The following ARK2C variants were observed in gnomAD, a reference collection of about 807,000 sequenced individuals.
The protein encoded by ARK2C is arkadia (RNF111) C-terminal like ring finger ubiquitin ligase 2C.
chr18:46,369,422 G>C, the ARK2C span, among the ~76,000 whole-genome samples: 4 of 152,206 alleles, frequency 2.6e-5, no homozygotes, highest in East Asian at 5.8e-4. Context: ...CAGGGAGGAA[G>C]CTGATTGACT....
the ARK2C span, among the ~76,000 whole-genome samples, chr18:46,352,582 C>T: frequency 6.6e-6 from 1 of 152,274 alleles, no homozygotes; most frequent in Middle Eastern, 3.4e-3. Flanking sequence ...TGTTGCTCCA[C>T]CCTCCCTAGG....
the ARK2C span, among the ~76,000 whole-genome samples, chr18:46,360,118 G>C: frequency 6.6e-6 from 1 of 152,190 alleles, no homozygotes; most frequent in East Asian, 1.9e-4. Context: ...ACAAGTCCAT[G>C]CAATGGCCCC....
chr18:46,334,705 TGTGTGTGTGTGAGAGA>T, the ARK2C span: 1,450 of 284,718 alleles, frequency 5.1e-3, 22 homozygotes, highest in African/African-American at 0.033. This position sits in a 1 kb window ranked among gnomAD's most constrained non-coding sequence, Gnocchi z 4.4. Context: ...TGTGTGTGTG[TGTGTGTGTGTGAGAGA>T]GAGAGAGAGC....
At chr18:46,403,074 G>T in the ARK2C span, among the ~76,000 whole-genome samples, 1 of 152,176 alleles carries the variant, frequency 6.6e-6, no homozygotes, top group Non-Finnish European at 1.5e-5. Context: ...TGCCCCTCCA[G>T]CCCTTAGGCA....
the ARK2C span, among the ~76,000 whole-genome samples, chr18:46,339,115 T>G: frequency 6.6e-6 from 1 of 152,212 alleles, no homozygotes; most frequent in Non-Finnish European, 1.5e-5. Flanking sequence ...AGAGGAGAGA[T>G]ACAGGTTTAC....
At chr18:46,399,617 T>C in the ARK2C span, among the ~76,000 whole-genome samples, 2 of 152,120 alleles carry the variant, frequency 1.3e-5, no homozygotes, top group African/African-American at 4.8e-5. Flanking sequence ...GAGTGTCCAG[T>C]GCTGCCTGGC....
chr18:46,345,010 C>G, the ARK2C span, among the ~76,000 whole-genome samples: 6,210 of 152,266 alleles, frequency 0.041, 418 homozygotes, highest in African/African-American at 0.14. Context: ...AGGGCTGGGT[C>G]AGGAGGGAAG....
the ARK2C span, among the ~76,000 whole-genome samples, chr18:46,342,289 A>G: frequency 2.6e-5 from 4 of 152,208 alleles, no homozygotes; most frequent in Admixed American, 2.6e-4. Flanking sequence ...TGCATACGGC[A>G]AGGAGCCTCA....
At chr18:46,447,009 A>G in the ARK2C span, among the ~76,000 whole-genome samples, 1 of 152,150 alleles carries the variant, frequency 6.6e-6, no homozygotes. Flanking sequence ...CATTTTCCAA[A>G]TTAGCCATTG....
At chr18:46,433,605 G>A in the ARK2C span, 2 of 1,104,326 alleles carry the variant, frequency 1.8e-6, no homozygotes, top group South Asian at 1.7e-5. Context: ...TGGCCCGGGT[G>A]TGGCGGAGAC....
At chr18:46,363,949 T>C in the ARK2C span, among the ~76,000 whole-genome samples, 3 of 145,286 alleles carry the variant, frequency 2.1e-5, no homozygotes, top group Non-Finnish European at 4.5e-5. Context: ...TCTTTTCTTT[T>C]TTTTTTTTTT....
At chr18:46,389,114 G>C in the ARK2C span, among the ~76,000 whole-genome samples, 3 of 152,180 alleles carry the variant, frequency 2.0e-5, no homozygotes, top group Non-Finnish European at 4.4e-5. Context: ...ATAGCTGAGA[G>C]GAGTGGGCAC....
the ARK2C span, among the ~76,000 whole-genome samples, chr18:46,369,192 G>C: frequency 2.0e-5 from 3 of 152,140 alleles, no homozygotes; most frequent in African/African-American, 4.8e-5. Context: ...AAGAAAGCTT[G>C]TTGTATCTAG....
the ARK2C span, chr18:46,456,864 A>AGAGAGG: frequency 1.9e-6 from 1 of 524,524 alleles, no homozygotes; most frequent in Non-Finnish European, 3.5e-6. Flanking sequence ...GCTGAGCAGG[A>AGAGAGG]GAGAGGGAGC....
At chr18:46,353,256 A>G in the ARK2C span, among the ~76,000 whole-genome samples, 1 of 152,254 alleles carries the variant, frequency 6.6e-6, no homozygotes. Flanking sequence ...AAAGCTGCAC[A>G]TCCTTGGGCA....
the ARK2C span, chr18:46,386,417 C>T: frequency 6.6e-6 from 1 of 152,146 alleles, no homozygotes; most frequent in Non-Finnish European, 1.5e-5. Context: ...GTGTAAACTT[C>T]ATTGTTTTAT....
At chr18:46,390,038 C>G in the ARK2C span, among the ~76,000 whole-genome samples, 1 of 152,116 alleles carries the variant, frequency 6.6e-6, no homozygotes, top group Non-Finnish European at 1.5e-5. Flanking sequence ...CATTTCTAAC[C>G]AGTGACCAGA....
the ARK2C span, among the ~76,000 whole-genome samples, chr18:46,368,545 G>T: frequency 2.0e-5 from 3 of 152,188 alleles, no homozygotes; most frequent in Non-Finnish European, 4.4e-5. Context: ...CAGCTCCACT[G>T]GTCATTTAGG....
At chr18:46,365,802 C>T in the ARK2C span, among the ~76,000 whole-genome samples, 1 of 152,118 alleles carries the variant, frequency 6.6e-6, no homozygotes, top group South Asian at 2.1e-4. Context: ...TTTCCCCATC[C>T]TCATTCAGTA....
Sources: allele counts gnomAD v4.1 joint callset (sites outside exome capture counted in the v4.1 genomes callset), GRCh38; gene constraint gnomAD v4.1.1; non-coding constraint Gnocchi (gnomAD v3.1); transcripts MANE v1.5; gene names NCBI Gene and HGNC (gene_info 2026-07-23, HGNC 2026-07-21).